The following TMEM47 variants were observed in gnomAD, a reference collection of about 807,000 sequenced individuals.
TMEM47 encodes the protein brain cell membrane protein 1.
TMEM47 carries 3 observed loss-of-function variants against 12.4 expected under a neutral mutation model. The observed-to-expected ratio is 0.24, with a 90% CI of 0.11 to 0.63. The LOEUF (loss-of-function observed/expected upper bound fraction) is 0.63, where lower values mean the gene tolerates loss of function less well. Ranked by LOEUF, TMEM47 falls within the 20% of genes least tolerant of loss-of-function variation. The probability of loss-of-function intolerance (pLI) is 0.86; values close to 1 mark genes in which losing one functional copy is unlikely to be tolerated. For synonymous variants in TMEM47, 62 were observed against 63.3 expected, an observed-to-expected ratio of 0.98 and a Z score of 0.10; for missense variants, 89 against 143.8, an observed-to-expected ratio of 0.62 and a Z score of 1.95.
intron 2 of TMEM47, among the ~76,000 whole-genome samples, chrX:34,635,140 C>T (rs1921693301): frequency 9.0e-6 from 1 of 111,556 alleles, no homozygotes; most frequent in Non-Finnish European, 1.9e-5. Flanking sequence ...ACACTGCTCT[C>T]CCTTGATTAT....
In TMEM47 at chrX:34,627,395, G is replaced by C. The variant is rs1004779733; in HGVS notation, c.*2918C>G. 1 of 112,257 alleles carries C rather than the reference G, an allele frequency of 8.9e-6. No individual in the cohort carries two copies. The highest frequency in any genetic ancestry group is 1.9e-5 in the Non-Finnish European group (1 of 53,167). The allele number at this position is 112,257 out of a possible 1,213,427, so 9.3% of individuals were successfully genotyped here. On this transcript the variant is annotated 3_prime_UTR_variant, in exon 3 of 3. Coordinates refer to ENST00000275954, the MANE Select transcript of TMEM47 (RefSeq NM_031442.4). ...AGCTTTAGGCATTAAAGAGGACACA[G>C]AGGCATAGGTTAGAGTGCACTGCTC... is the stretch of plus-strand genomic sequence containing the variant.
intron 1 of TMEM47, among the ~76,000 whole-genome samples, chrX:34,650,582 C>T (rs1444978924): frequency 8.9e-6 from 1 of 112,168 alleles, no homozygotes; most frequent in Non-Finnish European, 1.9e-5. Flanking sequence ...ATAACTCTAA[C>T]TCCAACACTT....
chrX:34,629,180 T>G lies in TMEM47; in HGVS notation c.*1133A>C, dbSNP rs1450009109. 8.9e-6 allele frequency: 1 copy of G among 112,166 alleles called. No homozygotes were observed. The highest frequency in any genetic ancestry group is 3.2e-5 in the African/African-American group (1 of 30,896). The allele number at this position is 112,166 out of a possible 1,213,427, so 9.2% of individuals were successfully genotyped here. On this transcript the variant is annotated 3_prime_UTR_variant, in exon 3 of 3. Coordinates refer to ENST00000275954, the MANE Select transcript of TMEM47 (RefSeq NM_031442.4). Reference sequence around the variant, plus strand: ...TGAATTTTACACAAAATGATCATCCTAATTGCTACTCTCTTTTCAACTACA... The same window carrying G: ...TGAATTTTACACAAAATGATCATCCGAATTGCTACTCTCTTTTCAACTACA...
chrX:34,656,660 C>T (rs1430103463), intron 1 of TMEM47, 144 bp downstream of exon 1: 2 of 1,048,278 alleles, frequency 1.9e-6, no homozygotes, highest in Non-Finnish European at 2.5e-6. Context: ...GCGGGAGCCC[C>T]AGGATCCGAG....
intron 1 of TMEM47, among the ~76,000 whole-genome samples, chrX:34,643,003 G>A (rs1921845080): frequency 1.8e-5 from 2 of 111,578 alleles, no homozygotes; most frequent in Non-Finnish European, 3.8e-5. Flanking sequence ...GAGGTCTGAG[G>A]TGCATTTCAA....
chrX:34,646,843 C>T lies in TMEM47; in HGVS notation c.227-7456G>A, dbSNP rs184546865. On this transcript the variant is annotated intron_variant, in intron 1 of 2. Transcript: ENST00000275954. ...AGGAATAAAATTGGCAAAGCTAGTA[C>T]TCCCACCAGCTCCTTCTTAATGCCC... 3.6e-5 allele frequency among the ~76,000 whole-genome samples: 4 copies of T among 111,555 alleles called. No homozygotes were observed. The East Asian group carries it at 1.1e-3, about 32-fold the overall frequency.
At chrX:34,654,925 C>T (rs1276982120) in intron 1 of TMEM47, among the ~76,000 whole-genome samples, 1 of 111,694 alleles carries the variant, frequency 9.0e-6, no homozygotes, top group Non-Finnish European at 1.9e-5. Context: ...CAAACTGGGC[C>T]TGCCTTTGAT....
intron 1 of TMEM47, among the ~76,000 whole-genome samples, chrX:34,643,358 A>G (rs1921851070): frequency 9.0e-6 from 1 of 111,069 alleles, no homozygotes; most frequent in Non-Finnish European, 1.9e-5. Context: ...ACAATTTTAT[A>G]GTAATATTAT....
intron 2 of TMEM47, among the ~76,000 whole-genome samples, chrX:34,635,615 G>T (rs919912713): frequency 9.0e-6 from 1 of 111,096 alleles, no homozygotes; most frequent in Admixed American, 9.6e-5. Flanking sequence ...CAGTGGGAAA[G>T]AAAAGTCAGG....
chrX:34,633,726 C>T (rs144997098), intron 2 of TMEM47, among the ~76,000 whole-genome samples: 1 of 111,106 alleles, frequency 9.0e-6, no homozygotes, highest in Non-Finnish European at 1.9e-5. Flanking sequence ...TTCATTTCAA[C>T]GTGTTTTATT....
chrX:34,635,567 G>A (rs980259358), intron 2 of TMEM47, among the ~76,000 whole-genome samples: 2 of 111,124 alleles, frequency 1.8e-5, no homozygotes, highest in African/African-American at 6.6e-5. Context: ...GTCATTCAGT[G>A]TGTGGGGACC....
At chrX:34,649,052 G>T (rs947542633) in intron 1 of TMEM47, among the ~76,000 whole-genome samples, 4 of 111,741 alleles carry the variant, frequency 3.6e-5, no homozygotes, top group African/African-American at 1.3e-4. Context: ...AATAACAGAT[G>T]CTGGTAAGGT....
At chrX:34,643,336 C>T (rs1345959446) in intron 1 of TMEM47, among the ~76,000 whole-genome samples, 3 of 110,875 alleles carry the variant, frequency 2.7e-5, no homozygotes, top group Non-Finnish European at 3.8e-5. Flanking sequence ...AGAACATATA[C>T]ATAAGACTTG....
At chrX:34,643,977 T>C (rs937457000) in intron 1 of TMEM47, among the ~76,000 whole-genome samples, 1 of 110,935 alleles carries the variant, frequency 9.0e-6, no homozygotes, top group Admixed American at 9.6e-5. Flanking sequence ...AAAAGAATTT[T>C]GGCAAAATTG....
At chrX:34,630,910 C>T (rs1921605925) in intron 2 of TMEM47, among the ~76,000 whole-genome samples, 2 of 109,031 alleles carry the variant, frequency 1.8e-5, no homozygotes, top group Admixed American at 2.0e-4. Context: ...CGGTGGCTCA[C>T]GCCTGTAAAT....
rs949212875 is a variant in TMEM47, at chrX:34,656,753, G to C, written c.226+51C>G. ...GCGGTGACTGTCCTGGCAGTGGGGC[G>C]CGGGGCAGTCCGGGGCGGGAGGCAG... On this transcript the variant is annotated intron_variant, in intron 1 of 2. Transcript: ENST00000275954. The C allele has an allele frequency of 6.1e-6, 7 of 1,142,607 alleles. No individual in the cohort carries two copies. In the African/African-American group the frequency reaches 1.1e-4, roughly 18 times the overall value. 94.2% of individuals were successfully genotyped at this position (1,142,607 alleles called of 1,213,427 possible). A position where few individuals can be genotyped will look rare whatever the true frequency, so the allele number is the denominator to read the frequency against.
At chrX:34,633,054 A>T (rs771022372) in intron 2 of TMEM47, among the ~76,000 whole-genome samples, 25 of 111,886 alleles carry the variant, frequency 2.2e-4, no homozygotes, top group Non-Finnish European at 3.9e-4. Context: ...AATGTGGGTT[A>T]GGTATAGTAA....
At chrX:34,656,385 G>T (rs1046909249) in intron 1 of TMEM47, among the ~76,000 whole-genome samples, 4 of 109,703 alleles carry the variant, frequency 3.6e-5, no homozygotes, top group African/African-American at 1.3e-4. Flanking sequence ...AAAGAGTGGG[G>T]AAGACCGAAC....
intron 2 of TMEM47, among the ~76,000 whole-genome samples, chrX:34,634,701 C>T (rs986444967): frequency 2.7e-5 from 3 of 112,007 alleles, no homozygotes; most frequent in Non-Finnish European, 5.6e-5. Flanking sequence ...GAAAGGAGGG[C>T]TTCAGAGGGA....
Sources: allele counts gnomAD v4.1 joint callset (sites outside exome capture counted in the v4.1 genomes callset), GRCh38; gene constraint gnomAD v4.1.1; transcripts MANE v1.5; gene names NCBI Gene and HGNC (gene_info 2026-07-23, HGNC 2026-07-21).